The following SRFBP1 variants were observed in gnomAD, a reference collection of about 807,000 sequenced individuals.
SRFBP1 encodes serum response factor-binding protein 1.
In SRFBP1, 47 loss-of-function variants were observed where a neutral mutation model predicts 45.5. The ratio of observed to expected loss-of-function variants is 1.03; its 90% CI spans 0.82 to 1.32. The LOEUF is 1.32. Among genes scored for constraint, SRFBP1 ranks in the 40% most tolerant of loss-of-function variants. SRFBP1 has a pLI of 0.00. For synonymous variants in SRFBP1, 203 were observed against 166.3 expected, an observed-to-expected ratio of 1.22 and a Z score of -1.70; for missense variants, 621 against 484.6, an observed-to-expected ratio of 1.28 and a Z score of -2.64.
At chr5:122,065,397 A>G (rs1281148506) in intron 2 of SRFBP1, 1 of 152,094 alleles carries the variant, frequency 6.6e-6, no homozygotes, top group African/African-American at 2.4e-5. Context: ...AAGCACCACT[A>G]ACTTAAAAGT....
intron 4 of SRFBP1, among the ~76,000 whole-genome samples, chr5:122,010,649 C>T (rs576839568): frequency 6.6e-6 from 1 of 152,136 alleles, no homozygotes; most frequent in East Asian, 1.9e-4. Flanking sequence ...ATGTTCCTTC[C>T]CTCACAGTAA....
chr5:122,020,853 C>A, intron 6 of SRFBP1, 51 bp downstream of exon 6: 1 of 1,410,784 alleles, frequency 7.1e-7, no homozygotes, highest in Non-Finnish European at 9.4e-7. Flanking sequence ...TTTTAAAAAG[C>A]TATAAATGTC....
intron 3 of SRFBP1, among the ~76,000 whole-genome samples, chr5:121,982,330 A>G (rs1752426621): frequency 6.6e-6 from 1 of 151,936 alleles, no homozygotes; most frequent in Admixed American, 6.6e-5. Flanking sequence ...CCTCACACTC[A>G]TGAAACAGCA....
At chr5:122,025,596 T>A (rs1319145492) in intron 7 of SRFBP1, among the ~76,000 whole-genome samples, 5 of 152,202 alleles carry the variant, frequency 3.3e-5, no homozygotes. Flanking sequence ...AAAGTGTTCC[T>A]ATTTCTCCAC....
chr5:121,962,749 G>A (rs567040226), intron 1 of SRFBP1, among the ~76,000 whole-genome samples: 1 of 152,242 alleles, frequency 6.6e-6, no homozygotes, highest in South Asian at 2.1e-4. Context: ...TCTGGTTTCT[G>A]CTTCTATTCA....
chr5:122,028,966 C>G (rs1753548911), downstream of SRFBP1, among the ~76,000 whole-genome samples: 2 of 152,080 alleles, frequency 1.3e-5, no homozygotes, highest in African/African-American at 4.8e-5. Flanking sequence ...TTCTGGGATG[C>G]AGTGAAGTTA....
chr5:122,070,106 A>G (rs756488740), intron 2 of SRFBP1: 1 of 1,613,180 alleles, frequency 6.2e-7, no homozygotes, highest in Admixed American at 1.7e-5. Flanking sequence ...AGCGAATGTC[A>G]CAGCGCACAA....
intron 3 of SRFBP1, among the ~76,000 whole-genome samples, chr5:121,975,684 A>G (rs1419609494): frequency 6.6e-6 from 1 of 151,988 alleles, no homozygotes; most frequent in Non-Finnish European, 1.5e-5. Flanking sequence ...TTTTTACTGT[A>G]ACTTTAGCAC....
intron 2 of SRFBP1, among the ~76,000 whole-genome samples, chr5:122,049,475 A>G (rs1157514594): frequency 2.0e-5 from 3 of 152,184 alleles, no homozygotes; most frequent in Non-Finnish European, 4.4e-5. Context: ...AACGAGACAG[A>G]AAGTTAACAA....
At chr5:121,988,091 T>C (rs1056332160) in intron 3 of SRFBP1, among the ~76,000 whole-genome samples, 6 of 152,220 alleles carry the variant, frequency 3.9e-5, no homozygotes, top group East Asian at 3.8e-4. Context: ...ATAATTCTGA[T>C]GGATCTGGCT....
chr5:122,051,558 T>A (rs1665769459), intron 2 of SRFBP1, among the ~76,000 whole-genome samples: 1 of 152,110 alleles, frequency 6.6e-6, no homozygotes, highest in Non-Finnish European at 1.5e-5. Context: ...AAGTCTGTTT[T>A]GTCTGAAATT....
At chr5:121,977,789 A>G (rs758499348) in intron 3 of SRFBP1, among the ~76,000 whole-genome samples, 2 of 152,078 alleles carry the variant, frequency 1.3e-5, no homozygotes, top group Non-Finnish European at 2.9e-5. Flanking sequence ...AATCATGAGT[A>G]TTTTTAGAAA....
At chr5:122,003,143 G>A (rs754062458) in intron 4 of SRFBP1, among the ~76,000 whole-genome samples, 21 of 152,064 alleles carry the variant, frequency 1.4e-4, no homozygotes, top group Non-Finnish European at 2.4e-4. Flanking sequence ...CGGAGTTCAA[G>A]ACTAGCCTGG....
downstream of SRFBP1, chr5:122,077,545 C>T (rs1250225386): frequency 2.5e-6 from 4 of 1,613,534 alleles, no homozygotes; most frequent in South Asian, 1.1e-5. This position sits in a 1 kb window ranked among gnomAD's most constrained non-coding sequence, Gnocchi z 4.9. Context: ...CTTCTCCCGG[C>T]GCTGTCTGGT....
chr5:122,024,838 T>C (rs78763008), intron 7 of SRFBP1, among the ~76,000 whole-genome samples: 14,612 of 152,256 alleles, frequency 0.096, 1,250 homozygotes, highest in African/African-American at 0.22. Context: ...AAATATTTAC[T>C]AGTTTATTTA....
At chr5:121,967,892 A>G (rs1752108725) in intron 1 of SRFBP1, among the ~76,000 whole-genome samples, 1 of 152,240 alleles carries the variant, frequency 6.6e-6, no homozygotes, top group Admixed American at 6.5e-5. Context: ...CTTCAAACGT[A>G]TGGAAAATAA....
intron 7 of SRFBP1, among the ~76,000 whole-genome samples, chr5:122,022,922 G>T (rs1433975942): frequency 6.6e-6 from 1 of 152,190 alleles, no homozygotes; most frequent in Non-Finnish European, 1.5e-5. Flanking sequence ...CCACTGTGAT[G>T]AATTAGCAGA....
intron 1 of SRFBP1, among the ~76,000 whole-genome samples, chr5:121,965,306 G>A (rs559986281): frequency 6.6e-6 from 1 of 152,218 alleles, no homozygotes; most frequent in South Asian, 2.1e-4. Context: ...TTTCTTCTAG[G>A]GTTTTTATGG....
At chr5:122,021,523 A>G (rs1753320928) in intron 6 of SRFBP1, among the ~76,000 whole-genome samples, 1 of 152,144 alleles carries the variant, frequency 6.6e-6, no homozygotes, top group Non-Finnish European at 1.5e-5. Flanking sequence ...CAAAAATGTC[A>G]CAGTATGGCA....
Sources: gnomAD v4.1 joint callset for allele counts (sites outside exome capture counted in the v4.1 genomes callset) on GRCh38, gnomAD v4.1.1 for gene constraint, Gnocchi (gnomAD v3.1) non-coding constraint, MANE v1.5 for transcripts, NCBI Gene and HGNC (gene_info 2026-07-23, HGNC 2026-07-21) for gene names.